The following CCDC60 variants were observed in gnomAD, a reference collection of about 807,000 sequenced individuals.
The protein encoded by CCDC60 is coiled-coil domain-containing protein 60.
CCDC60 carries 54 observed loss-of-function variants against 63.5 expected under a neutral mutation model. The ratio of observed to expected loss-of-function variants is 0.85; its 90% confidence interval spans 0.68 to 1.07. The LOEUF (loss-of-function observed/expected upper bound fraction) is 1.07, where lower values mean the gene tolerates loss of function less well. CCDC60 is among the 50% of genes least tolerant of loss of function. The pLI is 0.00. For missense variants in CCDC60, 651 were observed against 684.3 expected (o/e 0.95, Z 0.54); for synonymous variants, 206 against 238.8 (o/e 0.86, Z 1.27).
At chr12:119,352,310 T>G (rs1197967613) in intron 1 of CCDC60, among the ~76,000 whole-genome samples, 2 of 152,210 alleles carry the variant, frequency 1.3e-5, no homozygotes. Flanking sequence ...GGGACATGGG[T>G]CCAAACCATA....
chr12:119,530,845 T>A, intron 12 of CCDC60, 29 bp from the exon 13 acceptor site: 1 of 1,595,020 alleles, frequency 6.3e-7, no homozygotes, highest in Non-Finnish European at 8.6e-7. Context: ...AGCAGCTTCC[T>A]AACTTGTCCT....
intron 6 of CCDC60, among the ~76,000 whole-genome samples, chr12:119,501,224 C>T (rs1432782346): frequency 6.6e-6 from 1 of 152,310 alleles, no homozygotes; most frequent in South Asian, 2.1e-4. Context: ...CTTAGCATTA[C>T]TGTGGTTATG....
At chr12:119,521,125 T>C (rs1952516979) in intron 9 of CCDC60, among the ~76,000 whole-genome samples, 1 of 152,214 alleles carries the variant, frequency 6.6e-6, no homozygotes, top group Non-Finnish European at 1.5e-5. Flanking sequence ...AATATGGTAA[T>C]CTATGCGTGT....
In CCDC60 at chr12:119,488,863, C is replaced by A. The variant is rs1406636543; in HGVS notation, c.554C>A (p.Pro185Gln). Residue 185 changes from proline (P) to glutamine (Q), a missense_variant, in exon 5 of 14, where the codon CCA becomes CAA. Transcript: ENST00000327554. ...TMKPVITCWNPKDPGGSKSTI... is the reference protein window; with the variant it reads ...TMKPVITCWNQKDPGGSKSTI... ...AAGCCTGTGATCACCTGCTGGAACC[C>A]AAAGTATGCCTCAGCCCTTCAACTT... The A allele has an allele frequency of 2.5e-6, 4 of 1,612,382 alleles. No homozygotes were observed. Among genetic ancestry groups the A allele is most frequent in the Non-Finnish European group, 2.5e-6 (3 of 1,178,382 alleles).
intron 2 of CCDC60, among the ~76,000 whole-genome samples, chr12:119,464,407 C>T (rs1018735317): frequency 1.1e-4 from 16 of 149,992 alleles, no homozygotes; most frequent in Middle Eastern, 3.5e-3. Context: ...CTTTCCTCTT[C>T]CTCCCTCCCT....
At chr12:119,538,317 C>A (rs1953068348) in intron 13 of CCDC60, among the ~76,000 whole-genome samples, 1 of 152,226 alleles carries the variant, frequency 6.6e-6, no homozygotes, top group Non-Finnish European at 1.5e-5. Flanking sequence ...CAGGTACAGT[C>A]TGTCCCGGCT....
At chr12:119,421,132 A>G (rs1320305654) in intron 1 of CCDC60, among the ~76,000 whole-genome samples, 1 of 152,124 alleles carries the variant, frequency 6.6e-6, no homozygotes, top group Admixed American at 6.5e-5. Context: ...TTCCATCTTC[A>G]TCTTATTCTA....
intron 7 of CCDC60, among the ~76,000 whole-genome samples, chr12:119,516,142 A>G (rs1308425840): frequency 6.6e-6 from 1 of 152,042 alleles, no homozygotes; most frequent in Non-Finnish European, 1.5e-5. Flanking sequence ...GTCTAACTGT[A>G]TCACCCAGGC....
chr12:119,336,257 G>A (rs1254425207), intron 1 of CCDC60, among the ~76,000 whole-genome samples: 6 of 150,378 alleles, frequency 4.0e-5, no homozygotes, highest in Middle Eastern at 3.4e-3. Context: ...TACAAAAAAA[G>A]GAATTAGCCT....
chr12:119,527,556 G>A (rs557950053), intron 11 of CCDC60, among the ~76,000 whole-genome samples: 2 of 151,934 alleles, frequency 1.3e-5, no homozygotes, highest in Non-Finnish European at 2.9e-5. Context: ...TACAGTGTTT[G>A]CAAGGTGATC....
chr12:119,511,575 C>T (rs987915881), intron 7 of CCDC60, among the ~76,000 whole-genome samples: 6 of 152,192 alleles, frequency 3.9e-5, no homozygotes, highest in African/African-American at 1.4e-4. Context: ...AAAAGACTTC[C>T]TCTATTCCCC....
Position 119,540,673 on chromosome 12 carries a change from C to A in CCDC60, c.1611C>A (p.Ser537Arg). 3 of 1,613,990 alleles carry A rather than the reference C, an allele frequency of 1.9e-6. No homozygotes were observed. Among genetic ancestry groups the A allele is most frequent in the Non-Finnish European group, 1.7e-6 (2 of 1,179,986 alleles). The change falls in exon 14 of 14, where the codon AGC (serine) becomes AGA (arginine). Residue 537 changes from serine (S) to arginine (R), a missense_variant. By Grantham distance (110) the Ser-to-Arg change is moderately radical (BLOSUM62 -1). Transcript: ENST00000327554. ...PQEDYISWLQSRINIPIGPYS... is the reference protein window; with the variant it reads ...PQEDYISWLQRRINIPIGPYS... ...AGGATTACATCAGCTGGCTGCAGAG[C>A]CGGATCAACATACCCATTGGGCCCT...
At chr12:119,472,625 G>A (rs1292035171) in intron 3 of CCDC60, among the ~76,000 whole-genome samples, 1 of 145,956 alleles carries the variant, frequency 6.9e-6, no homozygotes, top group Non-Finnish European at 1.5e-5. Flanking sequence ...CTGTTGCCCA[G>A]GCTGGAGTGC....
chr12:119,460,675 G>A (rs1593120877), intron 2 of CCDC60, among the ~76,000 whole-genome samples: 1 of 152,214 alleles, frequency 6.6e-6, no homozygotes, highest in African/African-American at 2.4e-5. Flanking sequence ...CACGGACCCA[G>A]CTGAGAAAGC....
intron 1 of CCDC60, among the ~76,000 whole-genome samples, chr12:119,422,841 G>C (rs1451145165): frequency 6.6e-6 from 1 of 151,556 alleles, no homozygotes; most frequent in Non-Finnish European, 1.5e-5. Context: ...AACTAATTAC[G>C]GTTTTTGCCA....
intron 1 of CCDC60, among the ~76,000 whole-genome samples, chr12:119,389,063 G>A (rs1485491482): frequency 6.6e-6 from 1 of 152,148 alleles, no homozygotes; most frequent in African/African-American, 2.4e-5. Flanking sequence ...CCATGCTCAT[G>A]CACATTCATG....
chr12:119,383,501 A>G (rs1022361789), intron 1 of CCDC60, among the ~76,000 whole-genome samples: 2 of 152,200 alleles, frequency 1.3e-5, no homozygotes, highest in African/African-American at 4.8e-5. Context: ...AGATAGCCAC[A>G]GAGTATGGAG....
At chr12:119,452,074 A>T (rs911231806) in intron 2 of CCDC60, among the ~76,000 whole-genome samples, 1 of 152,178 alleles carries the variant, frequency 6.6e-6, no homozygotes, top group African/African-American at 2.4e-5. Context: ...GCCTCCAAGG[A>T]ATGTAATTTC....
intron 2 of CCDC60, among the ~76,000 whole-genome samples, chr12:119,434,344 T>C (rs1184007379): frequency 6.6e-5 from 10 of 151,134 alleles, no homozygotes; most frequent in Non-Finnish European, 1.2e-4. Context: ...TACTCATTCA[T>C]TTTTTTTTGA....
Sources: allele counts gnomAD v4.1 joint callset (sites outside exome capture counted in the v4.1 genomes callset), GRCh38; gene constraint gnomAD v4.1.1; transcripts MANE v1.5; gene names NCBI Gene and HGNC (gene_info 2026-07-23, HGNC 2026-07-21).